The following TNRC6B variants were observed in gnomAD, a reference collection of about 807,000 sequenced individuals.
TNRC6B encodes trinucleotide repeat-containing gene 6B protein.
Under a neutral mutation model 203.6 loss-of-function variants are expected in TNRC6B, and 52 were observed. The ratio of observed to expected loss-of-function variants is 0.26; its 90% CI spans 0.20 to 0.32. The LOEUF (loss-of-function observed/expected upper bound fraction) is 0.32, where lower values mean the gene tolerates loss of function less well. Among genes scored for constraint, TNRC6B ranks in the 10% least tolerant of loss-of-function variants. TNRC6B has a pLI of 1.00. For missense variants in TNRC6B, 1,923 were observed against 2,286.2 expected (o/e 0.84, Z 3.24); for synonymous variants, 838 against 845.7 (o/e 0.99, Z 0.16).
At chr22:40,166,372 G>T (rs1275036915) in intron 4 of TNRC6B, among the ~76,000 whole-genome samples, 1 of 150,530 alleles carries the variant, frequency 6.6e-6, no homozygotes, top group Admixed American at 6.6e-5. Flanking sequence ...TGTATTAATT[G>T]GTTGCCTAAC....
intron 2 of TNRC6B, among the ~76,000 whole-genome samples, chr22:40,124,198 C>T (rs2068468093): frequency 6.6e-6 from 1 of 152,166 alleles, no homozygotes; most frequent in Admixed American, 6.5e-5. Flanking sequence ...CTGGAAGTGC[C>T]TTCTTAGCCT....
At chr22:40,180,536 G>A (rs1480937074) in intron 1 of TNRC6B, among the ~76,000 whole-genome samples, 2 of 152,210 alleles carry the variant, frequency 1.3e-5, no homozygotes, top group Non-Finnish European at 2.9e-5. Context: ...TCACGTATGG[G>A]AAGCATTATG....
intron 7 of TNRC6B, among the ~76,000 whole-genome samples, chr22:40,274,784 G>A (rs963779111): frequency 2.0e-5 from 3 of 152,156 alleles, no homozygotes; most frequent in Admixed American, 2.0e-4. Flanking sequence ...CACCTTCTGT[G>A]TGAAAGTCCT....
rs899678284 is a variant in TNRC6B, at chr22:40,217,248, C to T, written c.6-28767C>T. Among the ~76,000 whole-genome samples the T allele has an allele frequency of 2.0e-4, 30 of 152,324 alleles. 1 individual carries two copies. Among genetic ancestry groups the T allele is most frequent in the African/African-American group, 6.0e-4 (25 of 41,562 alleles). On this transcript the variant is annotated intron_variant, in intron 1 of 22. Transcript: ENST00000454349. ...AGACTACTTCTTAACACATGTCCTA[C>T]GTAGCAGTTCCCAAATTATTGTTTT...
intron 3 of TNRC6B, among the ~76,000 whole-genome samples, chr22:40,259,928 A>G (rs2070350382): frequency 6.6e-6 from 1 of 152,146 alleles, no homozygotes; most frequent in Non-Finnish European, 1.5e-5. Flanking sequence ...TACGACTTCC[A>G]GCCTCTATTT....
intron 1 of TNRC6B, among the ~76,000 whole-genome samples, chr22:40,208,111 C>CAAA (rs905832467): frequency 2.5e-4 from 19 of 74,886 alleles, no homozygotes; most frequent in East Asian, 7.1e-4. Flanking sequence ...GACTCCATCT[C>CAAA]AAAAAAAAAA....
intron 12 of TNRC6B, among the ~76,000 whole-genome samples, chr22:40,286,681 C>T (rs1365762955): frequency 6.6e-6 from 1 of 152,252 alleles, no homozygotes. Context: ...CGACATAGTC[C>T]ATTGGATACC....
At chr22:40,246,182 A>G in intron 2 of TNRC6B, 80 bp downstream of exon 2, 1 of 1,131,880 alleles carries the variant, frequency 8.8e-7, no homozygotes, top group South Asian at 1.5e-5. Context: ...TGGCTTGAAT[A>G]TCCGATATCT....
At position 40,276,199 on chromosome 22, in the gene TNRC6B, T is replaced by A. The variant is rs111730142; in HGVS notation, c.3142-878T>A. Among the ~76,000 whole-genome samples, 81 of 151,618 alleles carry A rather than the reference T, an allele frequency of 5.3e-4. 2 individuals are homozygous for A. The highest frequency in any genetic ancestry group is 1.8e-3 in the African/African-American group (75 of 41,304). On this transcript the variant is annotated intron_variant, in intron 7 of 22. Transcript: ENST00000454349. The stretch of plus-strand genomic sequence containing the variant: ...CATCTCTACTAAAAATACAAAAAAT[T>A]AACCGGGCATGGTGGCGGGTGCCTG...
In TNRC6B at chr22:40,078,971, G is replaced by A. The variant is rs542013500; in HGVS notation, c.-121+33973G>A. 2.6e-5 allele frequency among the ~76,000 whole-genome samples: 4 copies of A among 152,058 alleles called. No homozygotes were observed. The East Asian group carries it at 7.8e-4, about 30-fold the overall frequency. ...AGCCTATAATCTCAGCTACTTGGGA[G>A]GCTGAGGCAGGAGAGTCGCATGAAC... On this transcript the variant is annotated intron_variant, in intron 1 of 23. Transcript: ENST00000301923.
chr22:40,073,453 T>A (rs1888985425), intron 1 of TNRC6B, among the ~76,000 whole-genome samples: 1 of 152,048 alleles, frequency 6.6e-6, no homozygotes, highest in African/African-American at 2.4e-5. Context: ...ATGGCAAGCT[T>A]TGGCTGGTAG....
At chr22:40,254,945 T>C (rs1230942403) in intron 3 of TNRC6B, among the ~76,000 whole-genome samples, 1 of 152,082 alleles carries the variant, frequency 6.6e-6, no homozygotes, top group African/African-American at 2.4e-5. Flanking sequence ...AGGAAGGGAT[T>C]TACACTTCCT....
chr22:40,067,410 A>G (rs1378924606), intron 1 of TNRC6B, among the ~76,000 whole-genome samples: 1 of 152,118 alleles, frequency 6.6e-6, no homozygotes, highest in Non-Finnish European at 1.5e-5. Flanking sequence ...CTCTAGAGAG[A>G]CAGAACCAAC....
intron 1 of TNRC6B, among the ~76,000 whole-genome samples, chr22:40,047,066 C>G (rs567544568): frequency 1.3e-5 from 2 of 152,134 alleles, no homozygotes; most frequent in African/African-American, 4.8e-5. Context: ...TAATTCTTAG[C>G]CCAAGCCTGT....
At chr22:40,203,727 T>G (rs2069442855) in intron 1 of TNRC6B, among the ~76,000 whole-genome samples, 1 of 152,338 alleles carries the variant, frequency 6.6e-6, no homozygotes, top group East Asian at 1.9e-4. Flanking sequence ...TTTTGTTTTG[T>G]TTTGTTTTCA....
intron 4 of TNRC6B, among the ~76,000 whole-genome samples, chr22:40,165,775 A>G (rs2068914302): frequency 6.6e-6 from 1 of 152,092 alleles, no homozygotes; most frequent in African/African-American, 2.4e-5. Context: ...CTCCTTATAT[A>G]ACCATCACAT....
Position 40,141,261 on chromosome 22 carries a change from A to T in TNRC6B, c.46-14854A>T, listed in dbSNP as rs113629785. Reference sequence around the variant, plus strand: ...CTCACTGTTGCCCAGGCTGGAATGCAGTGGCACAATCTCAACTCACTGCAA... The same window carrying T: ...CTCACTGTTGCCCAGGCTGGAATGCTGTGGCACAATCTCAACTCACTGCAA... On this transcript the variant is annotated intron_variant, in intron 3 of 23. Transcript: ENST00000301923. Among the ~76,000 whole-genome samples, 66 of 128,582 alleles carry T rather than the reference A, an allele frequency of 5.1e-4. 2 individuals carry two copies. The highest frequency in any genetic ancestry group is 1.8e-3 in the African/African-American group (60 of 32,956). The allele number at this position is 128,582 out of a possible 152,430, so 84.4% of individuals were successfully genotyped here. A position where few individuals can be genotyped will look rare whatever the true frequency, so the allele number is the denominator to read the frequency against.
intron 1 of TNRC6B, among the ~76,000 whole-genome samples, chr22:40,106,143 T>G (rs977500215): frequency 3.3e-5 from 5 of 152,112 alleles, no homozygotes; most frequent in African/African-American, 1.2e-4. Context: ...GGTTATCCTT[T>G]TCTCTTTTAG....
chr22:40,226,729 C>G (rs1456685736), intron 1 of TNRC6B, among the ~76,000 whole-genome samples: 2 of 152,112 alleles, frequency 1.3e-5, no homozygotes, highest in Non-Finnish European at 2.9e-5. Flanking sequence ...GTGATTAATG[C>G]TTTTTAAAGA....
Sources: allele counts gnomAD v4.1 joint callset (sites outside exome capture counted in the v4.1 genomes callset), GRCh38; gene constraint gnomAD v4.1.1; transcripts MANE v1.5; gene names NCBI Gene and HGNC (gene_info 2026-07-23, HGNC 2026-07-21).